The following MED17 variants were observed in gnomAD, a reference collection of about 807,000 sequenced individuals.
The protein encoded by MED17 is mediator of RNA polymerase II transcription subunit 17.
In MED17, 49 loss-of-function variants were observed where a neutral mutation model predicts 80.8. That is an observed-to-expected ratio of 0.61 (90% CI 0.48 to 0.77). The LOEUF is 0.77. Among genes scored for constraint, MED17 ranks in the 30% least tolerant of loss-of-function variants. The pLI, the probability that MED17 is intolerant of heterozygous loss-of-function variation, is 0.00. For missense variants in MED17, 718 were observed against 787.0 expected (o/e 0.91, Z 1.05); for synonymous variants, 281 against 280.4 (o/e 1.00, Z -0.02).
At chr11:93,784,793 C>G in intron 1 of MED17, 30 bp downstream of exon 1, 1 of 1,534,056 alleles carries the variant, frequency 6.5e-7, no homozygotes, top group Non-Finnish European at 8.7e-7. Flanking sequence ...CCCGAGTCCC[C>G]CGGTCTGGGT....
intron 2 of MED17, 51 bp downstream of exon 2, chr11:93,788,218 G>T: frequency 1.3e-6 from 2 of 1,521,824 alleles, no homozygotes; most frequent in South Asian, 1.2e-5. Flanking sequence ...TAAATCCCAG[G>T]ACCCTTTTTT....
intron 1 of MED17, among the ~76,000 whole-genome samples, chr11:93,786,393 G>A (rs1421484778): frequency 6.6e-6 from 1 of 152,100 alleles, no homozygotes; most frequent in Non-Finnish European, 1.5e-5. Context: ...TTAGGAATGT[G>A]AACTGGTAGT....
At chr11:93,784,909 C>T (rs1943752874) in intron 1 of MED17, 146 bp downstream of exon 1, 1 of 1,205,070 alleles carries the variant, frequency 8.3e-7, no homozygotes, top group Non-Finnish European at 1.1e-6. Flanking sequence ...ACTTGGTCGT[C>T]ATCTTTTTGT....
chr11:93,796,072 C>T, intron 6 of MED17: 1 of 325,308 alleles, frequency 3.1e-6, no homozygotes, highest in Non-Finnish European at 5.9e-6. Context: ...GCCTCAGCCT[C>T]CCAAGCAGCT....
chr11:93,805,722 A>G (rs1376428947), intron 9 of MED17, among the ~76,000 whole-genome samples: 1 of 152,208 alleles, frequency 6.6e-6, no homozygotes, highest in Non-Finnish European at 1.5e-5. Context: ...AAGAATTCTA[A>G]AATGTTGGTT....
At chr11:93,798,892 A>G (rs1006192717) in intron 8 of MED17, among the ~76,000 whole-genome samples, 11 of 152,340 alleles carry the variant, frequency 7.2e-5, no homozygotes, top group Non-Finnish European at 1.5e-4. Flanking sequence ...CTGATTGACC[A>G]TAAATTTAAA....
At chr11:93,809,681 GCTGA>G (rs753282338) in intron 10 of MED17, 32 bp from the exon 11 acceptor site, 11 of 1,612,156 alleles carry the variant, frequency 6.8e-6, no homozygotes, top group Admixed American at 5.0e-5. Flanking sequence ...AGATATCTCT[GCTGA>G]CTGTCAGTCA....
At chr11:93,787,976 C>T (rs1943787120) in intron 1 of MED17, 25 bp from the exon 2 acceptor site, 5 of 1,605,160 alleles carry the variant, frequency 3.1e-6, no homozygotes, top group Non-Finnish European at 4.3e-6. Context: ...TTCTGTATTT[C>T]TTTTTTTTCT....
At position 93,812,378 on chromosome 11, in the gene MED17, A is replaced by G; in HGVS notation, c.*314A>G. Reference sequence around the variant, plus strand: ...AAAATATTCCTTCTTTGATGTTGACATCAAATAAAGTATGTGGTTTAAAAA... The same window carrying G: ...AAAATATTCCTTCTTTGATGTTGACGTCAAATAAAGTATGTGGTTTAAAAA... On this transcript the variant is annotated 3_prime_UTR_variant, in exon 12 of 12. Transcript: ENST00000251871. The G allele has an allele frequency of 1.9e-6, 1 of 521,220 alleles. No homozygotes were observed. Among genetic ancestry groups the G allele is most frequent in the South Asian group, 3.2e-5 (1 of 30,870 alleles). The allele number at this position is 521,220 out of a possible 1,614,324, so 32.3% of individuals were successfully genotyped here. A position where few individuals can be genotyped will look rare whatever the true frequency, so the allele number is the denominator to read the frequency against.
chr11:93,798,140 A>G (rs2135715839), intron 8 of MED17, among the ~76,000 whole-genome samples: 1 of 152,262 alleles, frequency 6.6e-6, no homozygotes, highest in South Asian at 2.1e-4. Context: ...TGCGGCAGGT[A>G]GTGTTAACCC....
rs989647585 is a variant in MED17 at position 93,803,338 on chromosome 11, A to G, written c.1466+1366A>G. On this transcript the variant is annotated intron_variant, in intron 9 of 11. Coordinates refer to ENST00000251871, the MANE Select transcript of MED17 (RefSeq NM_004268.5). ...AATGCAGAGGTTTTAATTCACTTAA[A>G]AAATGAAAACATAGTAGATAAGTGT... Among the ~76,000 whole-genome samples, 8 of 152,368 alleles carry G rather than the reference A, an allele frequency of 5.3e-5. No homozygotes were observed. In the East Asian group the frequency reaches 1.5e-3, roughly 29 times the overall value.
Position 93,811,734 on chromosome 11 carries a change from A to T in MED17, c.1745-119A>T, listed in dbSNP as rs1944086756. The T allele has an allele frequency of 1.8e-5, 16 of 904,354 alleles. 1 individual carries two copies. In the South Asian group the frequency reaches 2.4e-4, roughly 14 times the overall value. The allele number at this position is 904,354 out of a possible 1,614,324, so 56.0% of individuals were successfully genotyped here. ...ACTGAAAAAGCACTTTTTTACAAGA[A>T]TATTTAAGTTGGTAGACAAAGTTTT... On this transcript the variant is annotated intron_variant, in intron 11 of 11. Coordinates refer to ENST00000251871, the MANE Select transcript of MED17 (RefSeq NM_004268.5).
rs767023414 is a variant in MED17, at chr11:93,796,409, G to A, written c.1013-1G>A. 5 of 1,610,924 alleles carry A rather than the reference G, an allele frequency of 3.1e-6. No individual in the cohort carries two copies. The highest frequency in any genetic ancestry group is 8.5e-7 in the Non-Finnish European group (1 of 1,177,792). ...TATGTCCTCCTTCTTTTTATAAATA[G>A]GCTTGCAGTTATCTATTTCTTTGTG... On this transcript the variant is annotated splice_acceptor_variant, in intron 6 of 11. Transcript: ENST00000251871. LOFTEE classifies it high-confidence loss of function.
chr11:93,799,328 A>G (rs1943937814), intron 8 of MED17, among the ~76,000 whole-genome samples: 1 of 152,046 alleles, frequency 6.6e-6, no homozygotes, highest in Non-Finnish European at 1.5e-5. Context: ...AGTGTGCGCC[A>G]CCATGCCTGG....
chr11:93,784,709 G>A lies in MED17; in HGVS notation c.196G>A (p.Asp66Asn). Residue 66 changes from aspartate (D) to asparagine (N), a missense_variant, in exon 1 of 12, where the codon GAC becomes AAC. Transcript: ENST00000251871. The part of the protein sequence containing the change: ...EEEEAAGTEG[D>N]AQEWPGAGSS... ...GGAGGAGGCGGCGGGGACCGAGGGC[G>A]ACGCGCAGGAGTGGCCGGGCGCCGG... 1 of 1,548,376 alleles carries A rather than the reference G, an allele frequency of 6.5e-7. No individual in the cohort carries two copies. The highest frequency in any genetic ancestry group is 2.4e-5 in the East Asian group (1 of 41,564).
chr11:93,793,546 C>T (rs1030288383), intron 3 of MED17, 182 bp from the exon 4 acceptor site: 1 of 564,942 alleles, frequency 1.8e-6, no homozygotes, highest in Non-Finnish European at 3.1e-6. Context: ...AACCACCCCC[C>T]ACCTTTATCT....
Position 93,813,124 on chromosome 11 carries a change from A to G in MED17, c.*1060A>G, listed in dbSNP as rs1053464003. The G allele has an allele frequency of 6.6e-6, 1 of 152,246 alleles. No individual in the cohort carries two copies. The highest frequency in any genetic ancestry group is 1.5e-5 in the Non-Finnish European group (1 of 68,042). The allele number at this position is 152,246 out of a possible 1,614,324, so 9.4% of individuals were successfully genotyped here. On this transcript the variant is annotated 3_prime_UTR_variant, in exon 12 of 12. Transcript: ENST00000251871. ...TGGAAAAAGTGCCTAAAGTGTGCCC[A>G]TTAATATGAGGATAGATTTAGGCTC...
At position 93,784,621 on chromosome 11, in the gene MED17, G is replaced by A. The variant is rs1460104408; in HGVS notation, c.108G>A (p.Met36Ile). The change falls in exon 1 of 12, where the codon ATG becomes ATA. Residue 36 changes from methionine (M) to isoleucine (I), a missense_variant. By Grantham distance (10) the Met-to-Ile change is conservative (BLOSUM62 1). Coordinates refer to ENST00000251871, the MANE Select transcript of MED17 (RefSeq NM_004268.5). Reference protein sequence around the residue: ...GTETYLPPLSMSQNLARLAQR... With the variant: ...GTETYLPPLSISQNLARLAQR... ...AGACGTACCTGCCCCCGCTGTCCATGTCGCAGAATCTGGCGCGTCTGGCCC... is the reference window on the plus strand; with the variant it reads ...AGACGTACCTGCCCCCGCTGTCCATATCGCAGAATCTGGCGCGTCTGGCCC... 1.3e-6 allele frequency: 2 copies of A among 1,595,592 alleles called. No individual in the cohort carries two copies. The highest frequency in any genetic ancestry group is 1.3e-5 in the African/African-American group (1 of 74,930).
At chr11:93,791,956 A>G (rs1943841104) in intron 3 of MED17, among the ~76,000 whole-genome samples, 1 of 152,234 alleles carries the variant, frequency 6.6e-6, no homozygotes, top group Non-Finnish European at 1.5e-5. Context: ...TTTTGGGGGC[A>G]TACTAAAGTT....
Sources: allele counts gnomAD v4.1 joint callset (sites outside exome capture counted in the v4.1 genomes callset), GRCh38; gene constraint gnomAD v4.1.1; transcripts MANE v1.5; gene names NCBI Gene and HGNC (gene_info 2026-07-23, HGNC 2026-07-21).